The following COL5A2 variants were observed in gnomAD, a reference collection of about 807,000 sequenced individuals.
The protein encoded by COL5A2 is collagen alpha-2(V) chain.
COL5A2 carries 23 observed loss-of-function variants against 208.2 expected under a neutral mutation model. The ratio of observed to expected loss-of-function variants is 0.11; its 90% CI spans 0.08 to 0.16. COL5A2 has a LOEUF of 0.16. Among genes scored for constraint, COL5A2 ranks in the 10% least tolerant of loss-of-function variants. The pLI is 1.00. For synonymous variants in COL5A2, 625 were observed against 628.5 expected, an observed-to-expected ratio of 0.99 and a Z score of 0.08; for missense variants, 1,590 against 1,956.4, an observed-to-expected ratio of 0.81 and a Z score of 3.53.
chr2:189,126,010 C>T (rs1687601303), intron 1 of COL5A2, among the ~76,000 whole-genome samples: 1 of 152,054 alleles, frequency 6.6e-6, no homozygotes, highest in African/African-American at 2.4e-5. Flanking sequence ...AACCCTCTCC[C>T]AGCCATGACT....
chr2:189,309,110 G>A, the COL5A2 span, among the ~76,000 whole-genome samples: 20 of 152,288 alleles, frequency 1.3e-4, no homozygotes, highest in Middle Eastern at 3.4e-3. Context: ...CATGAATAGG[G>A]CATGAGAGGG....
chr2:189,233,600 C>T, the COL5A2 span, among the ~76,000 whole-genome samples: 1 of 151,498 alleles, frequency 6.6e-6, no homozygotes, highest in Non-Finnish European at 1.5e-5. Context: ...TCAATATTTT[C>T]TTTAATGGAG....
chr2:189,234,865 C>T, the COL5A2 span, among the ~76,000 whole-genome samples: 1 of 151,508 alleles, frequency 6.6e-6, no homozygotes, highest in Non-Finnish European at 1.5e-5. Context: ...GTGTAAACCA[C>T]ATTTATAGTT....
At chr2:189,416,341 G>C in the COL5A2 span, among the ~76,000 whole-genome samples, 2 of 152,186 alleles carry the variant, frequency 1.3e-5, no homozygotes, top group Non-Finnish European at 2.9e-5. Flanking sequence ...ACTGGATTAA[G>C]AAAATGTGGC....
At chr2:189,192,893 TGTGCTACTTATCACAAGA>T (rs981900202) in intron 1 of COL5A2, among the ~76,000 whole-genome samples, 37 of 152,194 alleles carry the variant, frequency 2.4e-4, no homozygotes, top group Admixed American at 1.8e-3. Flanking sequence ...ATCACAAGAG[TGTGCTACTTATCACAAGA>T]GTGCTACTTA....
At chr2:189,205,249 C>A (rs1576585475) in intron 1 of COL5A2, among the ~76,000 whole-genome samples, 2 of 152,196 alleles carry the variant, frequency 1.3e-5, no homozygotes, top group Non-Finnish European at 2.9e-5. Context: ...TCTGAATTAA[C>A]CAAAGAACAT....
intron 35 of COL5A2, chr2:189,056,682 C>T (rs1685907830): frequency 2.2e-6 from 1 of 462,050 alleles, no homozygotes; most frequent in African/African-American, 2.0e-5. Context: ...AGAAATAAAC[C>T]TTGTGTATGA....
Position 189,083,966 on chromosome 2 carries a change from T to C in COL5A2, c.852+18A>G, listed in dbSNP as rs1220431705. ...CTTTATTTTTCAAAGTTTGCCTTTA[T>C]GTTGAGTATAAACTTACCGGAGATC... On this transcript the variant is annotated intron_variant, in intron 12 of 53. Coordinates refer to ENST00000374866, the MANE Select transcript of COL5A2 (RefSeq NM_000393.5). 1 of 1,588,420 alleles carries C rather than the reference T, an allele frequency of 6.3e-7. No homozygotes were observed. Among genetic ancestry groups the C allele is most frequent in the Non-Finnish European group, 8.6e-7 (1 of 1,156,826 alleles).
the COL5A2 span, among the ~76,000 whole-genome samples, chr2:189,376,039 G>C: frequency 6.6e-6 from 1 of 152,174 alleles, no homozygotes; most frequent in African/African-American, 2.4e-5. Flanking sequence ...TTTCCACAAT[G>C]TGTGTAAGCA....
chr2:189,222,025 C>CAA (rs565329432), intron 1 of COL5A2, among the ~76,000 whole-genome samples: 2 of 145,008 alleles, frequency 1.4e-5, no homozygotes, highest in African/African-American at 5.0e-5. Context: ...CCTGAGGCCT[C>CAA]AAAAAAAAAA....
At chr2:189,207,059 T>C (rs1032870199) in intron 1 of COL5A2, among the ~76,000 whole-genome samples, 9 of 152,180 alleles carry the variant, frequency 5.9e-5, no homozygotes, top group Admixed American at 2.6e-4. Flanking sequence ...GACTGAAAAA[T>C]AACCATGTTT....
intron 1 of COL5A2, among the ~76,000 whole-genome samples, chr2:189,144,992 C>G (rs4667264): frequency 0.6 from 91,247 of 151,982 alleles, 28,632 homozygotes; most frequent in East Asian, 0.78. Context: ...CTGAACTAGC[C>G]CTTCTTAGAG....
At chr2:189,083,911 A>T in intron 12 of COL5A2, 73 bp downstream of exon 12, 1 of 1,081,742 alleles carries the variant, frequency 9.2e-7, no homozygotes, top group South Asian at 1.3e-5. Context: ...ATACATGTGC[A>T]TACAGAGAAT....
the COL5A2 span, among the ~76,000 whole-genome samples, chr2:189,402,142 G>A: frequency 1.4e-4 from 21 of 152,052 alleles, no homozygotes; most frequent in South Asian, 1.0e-3. Context: ...ATTTTTGCCC[G>A]TGTCTATGTC....
At position 189,033,980 on chromosome 2, in the gene COL5A2, G is replaced by T; in HGVS notation, c.*90C>A. 6.4e-7 allele frequency: 1 copy of T among 1,552,464 alleles called. No individual in the cohort carries two copies. Among genetic ancestry groups the T allele is most frequent in the South Asian group, 1.1e-5 (1 of 89,746 alleles). On this transcript the variant is annotated 3_prime_UTR_variant, in exon 54 of 54. Coordinates refer to ENST00000374866, the MANE Select transcript of COL5A2 (RefSeq NM_000393.5). ...TGCAGGATCAGCCATTACTTCAAGAGTCTCAGGATCAACTTCAAACAGTCA... is the reference window on the plus strand; with the variant it reads ...TGCAGGATCAGCCATTACTTCAAGATTCTCAGGATCAACTTCAAACAGTCA...
upstream of COL5A2, among the ~76,000 whole-genome samples, chr2:189,227,880 C>T (rs1689439164): frequency 6.6e-6 from 1 of 151,880 alleles, no homozygotes; most frequent in Non-Finnish European, 1.5e-5. Flanking sequence ...ACATTTCAAG[C>T]AACAGACACA....
intron 12 of COL5A2, among the ~76,000 whole-genome samples, chr2:189,083,626 G>A (rs191793666): frequency 6.6e-6 from 1 of 152,054 alleles, no homozygotes; most frequent in African/African-American, 2.4e-5. Context: ...AGCTAAAATA[G>A]GATTGAAGTG....
chr2:189,315,715 T>TAA, the COL5A2 span, among the ~76,000 whole-genome samples: 1 of 152,136 alleles, frequency 6.6e-6, no homozygotes, highest in South Asian at 2.1e-4. Flanking sequence ...CTTAAGCTGA[T>TAA]AAACAACTTC....
the COL5A2 span, among the ~76,000 whole-genome samples, chr2:189,383,643 C>A: frequency 6.6e-6 from 1 of 151,976 alleles, no homozygotes; most frequent in East Asian, 1.9e-4. Context: ...ATAATAGTTG[C>A]ACAGTATTTA....
Sources: allele counts gnomAD v4.1 joint callset (sites outside exome capture counted in the v4.1 genomes callset), GRCh38; gene constraint gnomAD v4.1.1; transcripts MANE v1.5; gene names NCBI Gene and HGNC (gene_info 2026-07-23, HGNC 2026-07-21).